Variants in MB21D2 observed in about 807,000 individuals in gnomAD.
MB21D2 encodes the protein nucleotidyltransferase MB21D2.
A neutral mutation model predicts 33.3 loss-of-function variants in MB21D2; 9 were observed. That is an observed-to-expected ratio of 0.27 (90% CI 0.16 to 0.47). The LOEUF (loss-of-function observed/expected upper bound fraction) is 0.47. Among genes scored for constraint, MB21D2 ranks in the 20% least tolerant of loss-of-function variants. The pLI is 0.99. For missense variants in MB21D2, 540 were observed against 624.6 expected (o/e 0.86, Z 1.44); for synonymous variants, 241 against 236.3 (o/e 1.02, Z -0.18).
At chr3:192,819,262 T>C (rs1711993351) in intron 1 of MB21D2, among the ~76,000 whole-genome samples, 1 of 152,206 alleles carries the variant, frequency 6.6e-6, no homozygotes, top group African/African-American at 2.4e-5. Context: ...TGAGACTTAA[T>C]CCTCAATTGA....
chr3:192,890,307 A>G (rs1192603186), intron 1 of MB21D2, among the ~76,000 whole-genome samples: 2 of 152,098 alleles, frequency 1.3e-5, no homozygotes, highest in African/African-American at 2.4e-5. Context: ...GAAATTCCCA[A>G]CATAAATAAA....
chr3:192,848,414 G>T (rs1218673578), intron 1 of MB21D2, among the ~76,000 whole-genome samples: 1 of 152,096 alleles, frequency 6.6e-6, no homozygotes, highest in African/African-American at 2.4e-5. Flanking sequence ...CCCAGGTAAG[G>T]CTCCAAATCA....
chr3:192,831,632 C>T (rs7622280), intron 1 of MB21D2, among the ~76,000 whole-genome samples: 94,090 of 152,026 alleles, frequency 0.62, 31,334 homozygotes, highest in African/African-American at 0.87. Flanking sequence ...TAAGATGCAC[C>T]GTTGCTTTAC....
At position 192,890,288 on chromosome 3, in the gene MB21D2, A is replaced by G. The variant is rs909155501; in HGVS notation, c.211+27342T>C. Among the ~76,000 whole-genome samples, 6 of 152,112 alleles carry G rather than the reference A, an allele frequency of 3.9e-5. No individual in the cohort carries two copies. The East Asian group carries it at 9.6e-4, about 24-fold the overall frequency. ...GATGATCTATTTGCACTGATCACAG[A>G]TGCCAGGAGAAATTCCCAACATAAA... On this transcript the variant is annotated intron_variant, in intron 1 of 1. Coordinates refer to ENST00000392452, the MANE Select transcript of MB21D2 (RefSeq NM_178496.4).
chr3:192,835,231 G>A (rs1417301759), intron 1 of MB21D2, among the ~76,000 whole-genome samples: 4 of 148,902 alleles, frequency 2.7e-5, no homozygotes, highest in African/African-American at 7.4e-5. Context: ...GAGGCGGGCA[G>A]CTCACGAGGT....
At chr3:192,849,235 T>C (rs1030033502) in intron 1 of MB21D2, among the ~76,000 whole-genome samples, 1 of 149,760 alleles carries the variant, frequency 6.7e-6, no homozygotes, top group African/African-American at 2.5e-5. Context: ...CCGAATTCTG[T>C]ACTGTGAGAC....
At chr3:192,860,478 T>C (rs997046596) in intron 1 of MB21D2, among the ~76,000 whole-genome samples, 1 of 152,202 alleles carries the variant, frequency 6.6e-6, no homozygotes, top group Non-Finnish European at 1.5e-5. Context: ...GCATAAAAAA[T>C]AAAGGCAGTA....
At chr3:192,828,156 T>G (rs114177709) in intron 1 of MB21D2, among the ~76,000 whole-genome samples, 3,120 of 152,154 alleles carry the variant, frequency 0.021, 142 homozygotes, top group East Asian at 0.13. Flanking sequence ...TACCCAGTTT[T>G]GGGTATGTCT....
At chr3:192,825,717 C>G (rs1712161849) in intron 1 of MB21D2, among the ~76,000 whole-genome samples, 1 of 152,164 alleles carries the variant, frequency 6.6e-6, no homozygotes, top group African/African-American at 2.4e-5. Context: ...GCAAGATTCT[C>G]CCTTCTCTCC....
intron 1 of MB21D2, among the ~76,000 whole-genome samples, chr3:192,882,145 G>A (rs1713609447): frequency 6.6e-6 from 1 of 151,660 alleles, no homozygotes; most frequent in Non-Finnish European, 1.5e-5. Context: ...TTTTTTTTTA[G>A]ACGGAGTTTC....
intron 1 of MB21D2, among the ~76,000 whole-genome samples, chr3:192,817,404 G>C (rs1433811598): frequency 7.6e-6 from 1 of 131,228 alleles, no homozygotes; most frequent in East Asian, 1.9e-4. Flanking sequence ...AGATAGGAGA[G>C]AGGGAAGGAG....
At chr3:192,909,849 T>A (rs1367493717) in intron 1 of MB21D2, among the ~76,000 whole-genome samples, 1 of 140,972 alleles carries the variant, frequency 7.1e-6, no homozygotes. Context: ...GGAGAATCAC[T>A]GGAACCCGGG....
At chr3:192,880,621 G>C (rs187998281) in intron 1 of MB21D2, among the ~76,000 whole-genome samples, 9 of 152,026 alleles carry the variant, frequency 5.9e-5, no homozygotes, top group Non-Finnish European at 1.2e-4. Context: ...AGCAGCTGTC[G>C]GAGGGGACGG....
chr3:192,859,994 A>G (rs1411737332), intron 1 of MB21D2, among the ~76,000 whole-genome samples: 1 of 152,248 alleles, frequency 6.6e-6, no homozygotes, highest in African/African-American at 2.4e-5. Flanking sequence ...CAAAATGTGG[A>G]AAGTGTATAA....
Position 192,798,321 on chromosome 3 carries a change from C to T in MB21D2, c.*65G>A. The T allele has an allele frequency of 6.6e-7, 1 of 1,523,992 alleles. No individual in the cohort carries two copies. Among genetic ancestry groups the T allele is most frequent in the Non-Finnish European group, 8.9e-7 (1 of 1,121,990 alleles). The allele number at this position is 1,523,992 out of a possible 1,614,324, so 94.4% of individuals were successfully genotyped here. ...GGATATGTAAAAAACAGAAAGATAG[C>T]ATCACAAACCACACGACACATTATC... On this transcript the variant is annotated 3_prime_UTR_variant, in exon 2 of 2. Transcript: ENST00000392452. The surrounding 1 kb of genome is among the most constrained non-coding windows in gnomAD (Gnocchi z 4.8).
intron 1 of MB21D2, among the ~76,000 whole-genome samples, chr3:192,822,567 T>A (rs534994450): frequency 2.0e-5 from 3 of 152,290 alleles, no homozygotes; most frequent in East Asian, 3.9e-4. Context: ...CGAGGAAGCA[T>A]GAAGGCCAAA....
At chr3:192,835,236 C>G (rs1163750741) in intron 1 of MB21D2, among the ~76,000 whole-genome samples, 1 of 148,756 alleles carries the variant, frequency 6.7e-6, no homozygotes, top group African/African-American at 2.5e-5. Flanking sequence ...GGGCAGCTCA[C>G]GAGGTCAGGA....
At chr3:192,854,756 G>A (rs768279087) in intron 1 of MB21D2, among the ~76,000 whole-genome samples, 2 of 152,172 alleles carry the variant, frequency 1.3e-5, no homozygotes, top group African/African-American at 4.8e-5. Context: ...CTACCATTCC[G>A]AAAATCCTAA....
intron 1 of MB21D2, among the ~76,000 whole-genome samples, chr3:192,855,201 C>T (rs1399582161): frequency 6.6e-6 from 1 of 152,156 alleles, no homozygotes; most frequent in Non-Finnish European, 1.5e-5. Context: ...CAGGTTCAAG[C>T]AATTCTCCTG....
Sources: gnomAD v4.1 joint callset for allele counts (sites outside exome capture counted in the v4.1 genomes callset) on GRCh38, gnomAD v4.1.1 for gene constraint, Gnocchi (gnomAD v3.1) non-coding constraint, MANE v1.5 for transcripts, NCBI Gene and HGNC (gene_info 2026-07-23, HGNC 2026-07-21) for gene names.